PRKCB: variants seen among roughly 807,000 people sequenced by gnomAD.
The protein encoded by PRKCB is protein kinase C beta, also known as protein kinase C beta type.
In PRKCB, 13 loss-of-function variants were observed where a neutral mutation model predicts 81.5. The observed-to-expected ratio is 0.16, with a 90% CI of 0.10 to 0.25. The LOEUF (loss-of-function observed/expected upper bound fraction) is 0.25, where lower values mean the gene tolerates loss of function less well. Ranked by LOEUF, PRKCB falls within the 10% of genes least tolerant of loss-of-function variation. The pLI is 1.00. For missense variants in PRKCB, 509 were observed against 875.7 expected, an observed-to-expected ratio of 0.58 and a Z score of 5.29; for synonymous variants, 335 against 321.4, an observed-to-expected ratio of 1.04 and a Z score of -0.45.
At chr16:24,010,924 G>C (rs1965195252) in intron 3 of PRKCB, among the ~76,000 whole-genome samples, 1 of 151,988 alleles carries the variant, frequency 6.6e-6, no homozygotes, top group African/African-American at 2.4e-5. Context: ...GAGTGCAATG[G>C]TACCATCACG....
At chr16:24,167,762 T>C (rs1376095411) in intron 10 of PRKCB, among the ~76,000 whole-genome samples, 1 of 152,184 alleles carries the variant, frequency 6.6e-6, no homozygotes, top group Non-Finnish European at 1.5e-5. Context: ...GGCAGCATCA[T>C]GAGGGGTTGA....
At chr16:23,866,717 G>A (rs1024897147) in intron 2 of PRKCB, among the ~76,000 whole-genome samples, 1 of 152,068 alleles carries the variant, frequency 6.6e-6, no homozygotes, top group Non-Finnish European at 1.5e-5. Context: ...TTAGCCCTGG[G>A]GTATACACGA....
intron 2 of PRKCB, among the ~76,000 whole-genome samples, chr16:23,876,591 A>T (rs987344251): frequency 3.3e-5 from 5 of 151,658 alleles, no homozygotes; most frequent in African/African-American, 9.7e-5. Flanking sequence ...TGAAAAAAAA[A>T]AATGACATTT....
intron 10 of PRKCB, among the ~76,000 whole-genome samples, chr16:24,167,496 G>A (rs1301640082): frequency 6.6e-6 from 1 of 151,934 alleles, no homozygotes; most frequent in Non-Finnish European, 1.5e-5. Flanking sequence ...GGAGGTTGAG[G>A]CTGCAGTGAG....
At chr16:24,201,552 T>C (rs1408015926) in intron 16 of PRKCB, among the ~76,000 whole-genome samples, 2 of 152,180 alleles carry the variant, frequency 1.3e-5, no homozygotes, top group Non-Finnish European at 2.9e-5. Flanking sequence ...TTGGGTCATA[T>C]GCCCATCTCT....
At chr16:23,969,793 G>A (rs567744338) in intron 2 of PRKCB, among the ~76,000 whole-genome samples, 4 of 152,004 alleles carry the variant, frequency 2.6e-5, no homozygotes, top group East Asian at 1.9e-4. Context: ...CAGGCCTCTC[G>A]GGAACTTCAT....
chr16:24,132,922 A>C (rs1328257434), intron 9 of PRKCB, among the ~76,000 whole-genome samples: 2 of 152,168 alleles, frequency 1.3e-5, no homozygotes, highest in Admixed American at 6.5e-5. Context: ...CTGGCATTAC[A>C]GGCATGAGCC....
chr16:24,054,457 C>G (rs1047462063), intron 5 of PRKCB, among the ~76,000 whole-genome samples: 2 of 152,148 alleles, frequency 1.3e-5, no homozygotes, highest in Admixed American at 1.3e-4. Flanking sequence ...AATGACTTGG[C>G]CAGATTCATA....
Position 24,106,090 on chromosome 16 carries a change from T to A in PRKCB, c.822-6883T>A, listed in dbSNP as rs73548421. Among the ~76,000 whole-genome samples, 114 of 131,908 alleles carry A rather than the reference T, an allele frequency of 8.6e-4. 1 individual carries two copies. Among genetic ancestry groups the A allele is most frequent in the African/African-American group, 3.3e-3 (113 of 34,138 alleles). The allele number at this position is 131,908 out of a possible 152,430, so 86.5% of individuals were successfully genotyped here. On this transcript the variant is annotated intron_variant, in intron 7 of 16. Coordinates refer to ENST00000643927, the MANE Select transcript of PRKCB (RefSeq NM_002738.7). ...GTTATTATTAATAATCACATTTTGG[T>A]CTTATTACAAAAAAAAAGCAAAAAA...
intron 5 of PRKCB, among the ~76,000 whole-genome samples, chr16:24,048,931 A>G (rs1236402539): frequency 2.0e-5 from 3 of 150,860 alleles, no homozygotes; most frequent in Non-Finnish European, 2.9e-5. Context: ...TTTGCTTCAT[A>G]TGACTCCATT....
intron 5 of PRKCB, among the ~76,000 whole-genome samples, chr16:24,054,278 T>C (rs1965878808): frequency 6.6e-6 from 1 of 152,208 alleles, no homozygotes; most frequent in East Asian, 1.9e-4. Context: ...AACCTGGCTA[T>C]TTAAGTTATG....
intron 2 of PRKCB, among the ~76,000 whole-genome samples, chr16:23,861,655 T>G (rs1962666842): frequency 6.6e-6 from 1 of 152,172 alleles, no homozygotes; most frequent in East Asian, 1.9e-4. Flanking sequence ...CAGAATCACA[T>G]ACTCACAGGG....
chr16:23,974,869 A>G (rs979628845), intron 2 of PRKCB, among the ~76,000 whole-genome samples: 5 of 152,170 alleles, frequency 3.3e-5, no homozygotes, highest in African/African-American at 9.7e-5. Context: ...GGGTGACACC[A>G]TCGGGAGGAA....
At chr16:24,127,029 G>A (rs1428542548) in intron 9 of PRKCB, among the ~76,000 whole-genome samples, 1 of 126,858 alleles carries the variant, frequency 7.9e-6, no homozygotes. Flanking sequence ...TTTTGAGACG[G>A]TGTTTCTCTC....
At chr16:23,863,251 CACAT>C (rs1567293533) in intron 2 of PRKCB, among the ~76,000 whole-genome samples, 1 of 47,740 alleles carries the variant, frequency 2.1e-5, no homozygotes, top group South Asian at 9.3e-4. Context: ...CATATATATA[CACAT>C]ACACACACAC....
At chr16:24,110,449 G>A (rs996181116) in intron 7 of PRKCB, among the ~76,000 whole-genome samples, 8 of 150,592 alleles carry the variant, frequency 5.3e-5, no homozygotes, top group Non-Finnish European at 1.0e-4. Flanking sequence ...CTGACCTGGT[G>A]ATCTGCCCAC....
rs373045947 is a variant in PRKCB, at chr16:24,214,863, C to T, written c.*47C>T. The T allele has an allele frequency of 2.4e-5, 38 of 1,600,482 alleles. No homozygotes were observed. The highest frequency in any genetic ancestry group is 2.6e-5 in the Non-Finnish European group (30 of 1,172,508). On this transcript the variant is annotated 3_prime_UTR_variant, in exon 17 of 17. Coordinates refer to ENST00000643927, the MANE Select transcript of PRKCB (RefSeq NM_002738.7). ...CTTCATTTCTGTCATTCAAGCTCAA[C>T]GGCTATTGTGGTGACATTTTTATGT...
intron 9 of PRKCB, among the ~76,000 whole-genome samples, chr16:24,127,570 C>T (rs1018303623): frequency 3.9e-5 from 6 of 151,962 alleles, no homozygotes; most frequent in African/African-American, 9.7e-5. Flanking sequence ...ACAAAACAGA[C>T]GAGAGGATGT....
chr16:24,136,926 G>A (rs1263205180), intron 9 of PRKCB, among the ~76,000 whole-genome samples: 1 of 152,062 alleles, frequency 6.6e-6, no homozygotes, highest in African/African-American at 2.4e-5. Context: ...CGCCCAGGCT[G>A]GATTGCAGTA....
Sources: gnomAD v4.1 joint callset for allele counts (sites outside exome capture counted in the v4.1 genomes callset) on GRCh38, gnomAD v4.1.1 for gene constraint, MANE v1.5 for transcripts, NCBI Gene and HGNC (gene_info 2026-07-23, HGNC 2026-07-21) for gene names.